The following SEMA4D variants were observed in gnomAD, a reference collection of about 807,000 sequenced individuals.
SEMA4D encodes semaphorin 4D, also known as semaphorin-4D.
In SEMA4D, 22 loss-of-function variants were observed where a neutral mutation model predicts 74.8. The ratio of observed to expected loss-of-function variants is 0.29; its 90% CI spans 0.21 to 0.42. SEMA4D has a LOEUF of 0.42. Ranked by LOEUF, SEMA4D falls within the 10% of genes least tolerant of loss-of-function variation. The pLI, the probability that SEMA4D is intolerant of heterozygous loss-of-function variation, is 1.00. For missense variants in SEMA4D, 937 were observed against 1,118.4 expected (o/e 0.84, Z 2.31); for synonymous variants, 445 against 463.7 (o/e 0.96, Z 0.52).
At chr9:89,385,784 T>C (rs1838307809) in intron 13 of SEMA4D, 1 of 544,316 alleles carries the variant, frequency 1.8e-6, no homozygotes, top group Non-Finnish European at 2.3e-6. Context: ...GAGGACTGAC[T>C]GGGCCTGGAT....
chr9:89,405,722 A>C, intron 2 of SEMA4D, 23 bp from the exon 3 acceptor site: 1 of 1,404,180 alleles, frequency 7.1e-7, no homozygotes, highest in Non-Finnish European at 9.2e-7. Context: ...GAGAAAGAAA[A>C]GGCAGGACCC....
At chr9:89,373,182 C>T (rs1835342887), downstream of SEMA4D, among the ~76,000 whole-genome samples, 3 of 152,172 alleles carry the variant, frequency 2.0e-5, no homozygotes, top group Admixed American at 2.0e-4. Context: ...ACTCCGCCCA[C>T]GTGGCCACAT....
chr9:89,378,885 T>A lies in SEMA4D; in HGVS notation c.2408A>T (p.Asn803Ile), dbSNP rs746727964. ...CAGGGCTGGCTTGGGGTGCTCCCCA[T>A]TCTGCTGGGAGAAGCTCCCTGGCTC... Reference protein sequence around the residue: ...LVEPGSFSQQNGEHPKPALDT... With the variant: ...LVEPGSFSQQIGEHPKPALDT... The change falls in exon 16 of 16, where the codon AAT (asparagine) becomes ATT (isoleucine). Residue 803 changes from asparagine (N) to isoleucine (I), a missense_variant. Asn to Ile is a moderately radical substitution (Grantham distance 149, BLOSUM62 -3). Transcript: ENST00000422704. 1.0e-4 allele frequency: 167 copies of A among 1,614,190 alleles called. 1 individual carries two copies. The East Asian group carries it at 3.7e-3, about 36-fold the overall frequency.
chr9:89,419,385 G>T (rs1485457681), intron 2 of SEMA4D, among the ~76,000 whole-genome samples: 2 of 152,148 alleles, frequency 1.3e-5, no homozygotes, highest in Non-Finnish European at 2.9e-5. Flanking sequence ...CCTGGGGCAG[G>T]GCTGAGCATT....
Position 89,379,247 on chromosome 9 carries a change from G to T in SEMA4D, c.2046C>A (p.Pro682=), listed in dbSNP as rs781607305. 10 of 1,614,094 alleles carry T rather than the reference G, an allele frequency of 6.2e-6. No individual in the cohort carries two copies. Among genetic ancestry groups the T allele is most frequent in the Non-Finnish European group, 8.5e-6 (10 of 1,179,978 alleles). ...VLVASTQGSS[P]PTPAVQATSS... ...AGGTGGCCTGCACGGCTGGGGTTGGGGGAGAAGACCCTTGGGTGGATGCCA... is the reference window on the plus strand; with the variant it reads ...AGGTGGCCTGCACGGCTGGGGTTGGTGGAGAAGACCCTTGGGTGGATGCCA... Residue 682 remains proline, a synonymous_variant, in exon 16 of 16, where the codon CCC becomes CCA. Coordinates refer to ENST00000422704, the MANE Select transcript of SEMA4D (RefSeq NM_001371194.2).
At chr9:89,415,043 G>A (rs899699588) in intron 2 of SEMA4D, among the ~76,000 whole-genome samples, 4 of 152,200 alleles carry the variant, frequency 2.6e-5, no homozygotes, top group South Asian at 2.1e-4. Context: ...GCAGAGTGGC[G>A]GCACGAACAG....
intron 6 of SEMA4D, among the ~76,000 whole-genome samples, chr9:89,396,368 T>C (rs999573892): frequency 6.6e-6 from 1 of 152,078 alleles, no homozygotes; most frequent in Non-Finnish European, 1.5e-5. Context: ...CCATAGCATG[T>C]TCAGGCTACC....
chr9:89,402,838 C>A (rs1395125738), intron 4 of SEMA4D, 33 bp downstream of exon 4: 3 of 1,601,318 alleles, frequency 1.9e-6, no homozygotes, highest in Non-Finnish European at 2.6e-6. Context: ...TCAAGCTGGG[C>A]TATGTGGACA....
At chr9:89,450,286 G>A (rs61738407) in intron 2 of SEMA4D, 14,720 of 932,536 alleles carry the variant, frequency 0.016, 182 homozygotes, top group Non-Finnish European at 0.02. Context: ...GCAGGAGAGA[G>A]AACCACTATG....
intron 2 of SEMA4D, among the ~76,000 whole-genome samples, chr9:89,423,919 A>G (rs1847554779): frequency 8.0e-6 from 1 of 125,634 alleles, no homozygotes; most frequent in Non-Finnish European, 1.6e-5. Flanking sequence ...CTACTCCCTC[A>G]GTACCTCCCT....
rs201370829 is a variant in SEMA4D at position 89,381,111 on chromosome 9, C to A, written c.1620-13G>T. The A allele has an allele frequency of 4.9e-4, 783 of 1,614,144 alleles. 1 individual carries two copies. Among genetic ancestry groups the A allele is most frequent in the Non-Finnish European group, 5.9e-4 (695 of 1,180,036 alleles). On this transcript the variant is annotated splice_polypyrimidine_tract_variant and intron_variant, in intron 14 of 15. Coordinates refer to ENST00000422704, the MANE Select transcript of SEMA4D (RefSeq NM_001371194.2). This position sits in a 1 kb window ranked among gnomAD's most constrained non-coding sequence, Gnocchi z 4.6. ...CTGAATCAAACCCCTGCAAAACAAC[C>A]GGCACGTGTTATTCACCCACACACA...
chr9:89,435,723 C>T (rs566505008), intron 2 of SEMA4D, among the ~76,000 whole-genome samples: 219 of 152,348 alleles, frequency 1.4e-3, no homozygotes, highest in African/African-American at 4.4e-3. Flanking sequence ...ACGCCCCACC[C>T]GGCCCCGACC....
chr9:89,363,585 A>G (rs1180461538), intron 17 of SEMA4D: 1 of 1,608,022 alleles, frequency 6.2e-7, no homozygotes, highest in African/African-American at 1.3e-5. Flanking sequence ...GGCACCCTTG[A>G]TGCCCACTGG....
At chr9:89,453,913 A>G (rs1855274083) in intron 2 of SEMA4D, among the ~76,000 whole-genome samples, 1 of 142,490 alleles carries the variant, frequency 7.0e-6, no homozygotes, top group African/African-American at 2.6e-5. Flanking sequence ...GCTGGAGTGC[A>G]GTGGCGCGAT....
intron 1 of SEMA4D, among the ~76,000 whole-genome samples, chr9:89,483,617 T>C (rs558935456): frequency 1.8e-4 from 28 of 152,330 alleles, no homozygotes; most frequent in African/African-American, 6.7e-4. Context: ...GTTCTCAATC[T>C]GGGGGTTGCA....
chr9:89,450,612 G>A lies in SEMA4D; in HGVS notation c.-244+5276C>T, dbSNP rs1854141834. On this transcript the variant is annotated intron_variant, in intron 2 of 15. Coordinates refer to ENST00000422704, the MANE Select transcript of SEMA4D (RefSeq NM_001371194.2). Reference sequence around the variant, plus strand: ...TAAGTCTGAGATGAAGGTCCAGGATGCAGAGCTAAAGACCCTCCTCCAGAG... The same window carrying A: ...TAAGTCTGAGATGAAGGTCCAGGATACAGAGCTAAAGACCCTCCTCCAGAG... 4 of 766,718 alleles carry A rather than the reference G, an allele frequency of 5.2e-6. No individual in the cohort carries two copies. The Admixed American group carries it at 5.9e-5, about 11-fold the overall frequency. The allele number at this position is 766,718 out of a possible 1,614,324, so 47.5% of individuals were successfully genotyped here.
In SEMA4D at chr9:89,450,687, A is replaced by AAAAAAAAAAAAAG. The variant is rs1372309489; in HGVS notation, c.-244+5200_-244+5201insCTTTTTTTTTTTT. ...AAAAAAAAAAAAAAAAAAAAAAAAA[A>AAAAAAAAAAAAAG]GGCCTCCAAGACTGCAGAGAATGCC... is the stretch of plus-strand genomic sequence containing the variant. On this transcript the variant is annotated intron_variant, in intron 2 of 15. Transcript: ENST00000422704. 6 of 982,468 alleles carry AAAAAAAAAAAAAG rather than the reference A, an allele frequency of 6.1e-6. No individual in the cohort carries two copies. The African/African-American group carries it at 7.3e-5, about 12-fold the overall frequency. The allele number at this position is 982,468 out of a possible 1,614,324, so 60.9% of individuals were successfully genotyped here.
rs766979797 is a variant in SEMA4D, at chr9:89,363,452, A to C, written c.2168T>G (p.Met723Arg). The change falls in exon 18 of 19, where the codon ATG becomes AGG. Residue 723 changes from methionine to arginine, a missense_variant. By Grantham distance (91) the Met-to-Arg change is moderately conservative. Coordinates refer to the SEMA4D transcript ENST00000339861. ...TACCCACGCCTTCCTCCAGCTCTGC[A>C]TCATCCGGTCGTGCTCCCCAGCCAC... is the stretch of plus-strand genomic sequence containing the variant. 5 of 1,613,674 alleles carry C rather than the reference A, an allele frequency of 3.1e-6. No individual in the cohort carries two copies. In the Admixed American group the frequency reaches 6.7e-5, roughly 22 times the overall value.
At chr9:89,464,767 G>GCCTCCCCTC (rs1412818923) in intron 1 of SEMA4D, among the ~76,000 whole-genome samples, 1 of 152,082 alleles carries the variant, frequency 6.6e-6, no homozygotes. Flanking sequence ...GAAATGGGCA[G>GCCTCCCCTC]GGTTGCAGGG....
Sources: allele counts gnomAD v4.1 joint callset (sites outside exome capture counted in the v4.1 genomes callset), GRCh38; gene constraint gnomAD v4.1.1; non-coding constraint Gnocchi (gnomAD v3.1); transcripts MANE v1.5; gene names NCBI Gene and HGNC (gene_info 2026-07-23, HGNC 2026-07-21).